Variants in C10orf67 observed in about 807,000 individuals in gnomAD.
C10orf67 encodes the protein uncharacterized protein C10orf67, mitochondrial.
In C10orf67, 60 loss-of-function variants were observed where a neutral mutation model predicts 35.6. That is an observed-to-expected ratio of 1.68 (90% CI 1.37 to 2.09). The LOEUF is 2.09. Among genes scored for constraint, C10orf67 ranks in the 30% most tolerant of loss-of-function variants. C10orf67 has a pLI of 0.00. For synonymous variants in C10orf67, 167 were observed against 115.8 expected (o/e 1.44, Z -2.84); for missense variants, 474 against 330.2 (o/e 1.44, Z -3.38).
intron 13 of C10orf67, among the ~76,000 whole-genome samples, chr10:23,233,512 A>G (rs1841966377): frequency 6.6e-6 from 1 of 152,238 alleles, no homozygotes; most frequent in South Asian, 2.1e-4. Context: ...TTTAAAAAGT[A>G]GCTGGTGAGG....
intron 2 of C10orf67, among the ~76,000 whole-genome samples, chr10:23,326,594 A>T (rs1289935825): frequency 6.6e-6 from 1 of 152,176 alleles, no homozygotes; most frequent in East Asian, 1.9e-4. Context: ...GTACATATAA[A>T]ATACTAGCTT....
In C10orf67 at chr10:23,234,041, GTTA is replaced by G. The variant is rs577752184; in HGVS notation, c.1434+5685_1434+5687del. Reference sequence around the variant, plus strand: ...ATTTTAAAAACTAAAATCTAGTCATGTTATTATAAAAGAACACTTACACATGGT... The same window carrying G: ...ATTTTAAAAACTAAAATCTAGTCATGTTATAAAAGAACACTTACACATGGT... On this transcript the variant is annotated intron_variant, in intron 13 of 15. Transcript: ENST00000636213. Among the ~76,000 whole-genome samples the G allele has an allele frequency of 4.7e-4, 71 of 152,296 alleles. No homozygotes were observed. The South Asian group carries it at 0.015, about 32-fold the overall frequency.
chr10:23,255,557 G>A (rs1199678995), intron 10 of C10orf67, among the ~76,000 whole-genome samples: 8 of 152,178 alleles, frequency 5.3e-5, no homozygotes, highest in Non-Finnish European at 1.2e-4. Context: ...TTGTGTTCAT[G>A]TGTTCATGTG....
chr10:23,329,625 C>T (rs1489686364), intron 2 of C10orf67, among the ~76,000 whole-genome samples: 1 of 151,394 alleles, frequency 6.6e-6, no homozygotes, highest in Non-Finnish European at 1.5e-5. Flanking sequence ...CGTAGCAAGA[C>T]TCTATCTCTA....
At chr10:23,208,723 C>T (rs1321438585) in intron 15 of C10orf67, among the ~76,000 whole-genome samples, 2 of 152,280 alleles carry the variant, frequency 1.3e-5, no homozygotes, top group Admixed American at 6.5e-5. Flanking sequence ...CACTTGTTAT[C>T]CACAGCCTTT....
At chr10:23,240,139 C>T (rs781125731) in intron 12 of C10orf67, among the ~76,000 whole-genome samples, 4 of 152,010 alleles carry the variant, frequency 2.6e-5, no homozygotes, top group Admixed American at 6.6e-5. Flanking sequence ...TGCAGTGAGC[C>T]GTGATTGCAC....
At chr10:23,240,029 A>T (rs1010270152) in intron 12 of C10orf67, among the ~76,000 whole-genome samples, 1 of 148,900 alleles carries the variant, frequency 6.7e-6, no homozygotes, top group Non-Finnish European at 1.5e-5. Flanking sequence ...TACAAACAAT[A>T]AAAAAAAAAT....
chr10:23,294,589 C>T (rs755875933), intron 5 of C10orf67, among the ~76,000 whole-genome samples: 8 of 152,188 alleles, frequency 5.3e-5, no homozygotes, highest in Non-Finnish European at 1.0e-4. Flanking sequence ...TGGGAAAATT[C>T]GACATTCAGG....
chr10:23,264,493 A>G (rs942561803), intron 10 of C10orf67, among the ~76,000 whole-genome samples: 14 of 152,158 alleles, frequency 9.2e-5, no homozygotes, highest in Non-Finnish European at 1.9e-4. Context: ...AGTCACAGGG[A>G]AAGATTGTCA....
chr10:23,222,213 G>A (rs1214984707), intron 15 of C10orf67, among the ~76,000 whole-genome samples: 3 of 152,042 alleles, frequency 2.0e-5, no homozygotes, highest in Admixed American at 1.3e-4. Flanking sequence ...TGTTTCAGTG[G>A]GGCTGCCTTA....
At chr10:23,295,856 T>G (rs1006159117) in intron 5 of C10orf67, among the ~76,000 whole-genome samples, 1 of 152,230 alleles carries the variant, frequency 6.6e-6, no homozygotes, top group Admixed American at 6.5e-5. Context: ...TTTTATTAGA[T>G]CTATGCTATT....
chr10:23,298,892 C>A (rs114969397), intron 5 of C10orf67, among the ~76,000 whole-genome samples: 4 of 152,134 alleles, frequency 2.6e-5, no homozygotes, highest in Non-Finnish European at 5.9e-5. Context: ...TGAGAACTGG[C>A]TCAAGTCTTG....
intron 12 of C10orf67, among the ~76,000 whole-genome samples, chr10:23,243,422 G>T (rs966202185): frequency 6.6e-6 from 1 of 152,104 alleles, no homozygotes; most frequent in African/African-American, 2.4e-5. Context: ...GGTGGCTTAT[G>T]CCTGTAATCC....
chr10:23,318,946 G>A (rs1564509811), intron 4 of C10orf67: 3 of 769,570 alleles, frequency 3.9e-6, no homozygotes, highest in Non-Finnish European at 7.3e-6. Flanking sequence ...ATCAGAAGGA[G>A]ACATAAAATG....
intron 15 of C10orf67, among the ~76,000 whole-genome samples, chr10:23,219,199 G>C (rs914047226): frequency 6.6e-6 from 1 of 152,084 alleles, no homozygotes; most frequent in Admixed American, 6.6e-5. Context: ...TTCTTCCCTA[G>C]AAGTCTCAGA....
chr10:23,339,830 G>A (rs1305671816), intron 1 of C10orf67, among the ~76,000 whole-genome samples: 1 of 152,154 alleles, frequency 6.6e-6, no homozygotes, highest in Admixed American at 6.5e-5. Flanking sequence ...TTAGCAGTGA[G>A]GTTTCTGCCT....
At chr10:23,223,406 T>C (rs1443684854) in intron 15 of C10orf67, among the ~76,000 whole-genome samples, 192 bp downstream of exon 15, 4 of 152,172 alleles carry the variant, frequency 2.6e-5, no homozygotes, top group Admixed American at 2.0e-4. Context: ...TTAGCAGTGA[T>C]CAGTAGTCAG....
At chr10:23,342,656 A>T (rs950913263) in intron 1 of C10orf67, among the ~76,000 whole-genome samples, 2 of 152,224 alleles carry the variant, frequency 1.3e-5, no homozygotes, top group African/African-American at 4.8e-5. Flanking sequence ...AACAGGGTAG[A>T]CGCTGTGTGC....
chr10:23,279,800 T>C (rs910359266), intron 8 of C10orf67, among the ~76,000 whole-genome samples: 1 of 151,086 alleles, frequency 6.6e-6, no homozygotes, highest in Non-Finnish European at 1.5e-5. Context: ...ATATATTATA[T>C]AAATAATAAA....
Sources: gnomAD v4.1 joint callset for allele counts (sites outside exome capture counted in the v4.1 genomes callset) on GRCh38, gnomAD v4.1.1 for gene constraint, MANE v1.5 for transcripts, NCBI Gene and HGNC (gene_info 2026-07-23, HGNC 2026-07-21) for gene names.